The following SETD3 variants were observed in gnomAD, a reference collection of about 807,000 sequenced individuals.
SETD3 encodes the protein actin-histidine N-methyltransferase.
Under a neutral mutation model 63.0 loss-of-function variants are expected in SETD3, and 19 were observed. The observed-to-expected ratio is 0.30, with a 90% CI of 0.21 to 0.44. The LOEUF is 0.44. Ranked by LOEUF, SETD3 falls within the 20% of genes least tolerant of loss-of-function variation. The pLI is 1.00. For missense variants in SETD3, 587 were observed against 728.5 expected, an observed-to-expected ratio of 0.81 and a Z score of 2.24; for synonymous variants, 286 against 264.1, an observed-to-expected ratio of 1.08 and a Z score of -0.80.
chr14:99,451,912 G>A (rs1894483834), intron 6 of SETD3, among the ~76,000 whole-genome samples: 1 of 151,992 alleles, frequency 6.6e-6, no homozygotes, highest in Admixed American at 6.5e-5. Flanking sequence ...TATACAGTGA[G>A]TGTCAAACAT....
upstream of SETD3, among the ~76,000 whole-genome samples, chr14:99,482,808 G>T (rs1238403313): frequency 6.6e-6 from 1 of 152,162 alleles, no homozygotes; most frequent in Non-Finnish European, 1.5e-5. Context: ...CATAGCTGTG[G>T]CCTATAAAAT....
intron 6 of SETD3, among the ~76,000 whole-genome samples, chr14:99,414,823 T>C (rs1044644658): frequency 5.3e-5 from 8 of 152,218 alleles, no homozygotes; most frequent in African/African-American, 1.7e-4. Flanking sequence ...AAATGGTTAT[T>C]TCTGAGATAC....
intron 3 of SETD3, 68 bp from the exon 4 acceptor site, chr14:99,461,408 G>T: frequency 2.0e-6 from 3 of 1,513,028 alleles, no homozygotes; most frequent in South Asian, 1.2e-5. Flanking sequence ...ACGTCTCTCA[G>T]AAAATAAAAA....
At chr14:99,467,890 C>T (rs1156569120) in intron 1 of SETD3, among the ~76,000 whole-genome samples, 1 of 152,170 alleles carries the variant, frequency 6.6e-6, no homozygotes, top group African/African-American at 2.4e-5. Flanking sequence ...TCTCAGCTAT[C>T]CACCCAACTC....
chr14:99,437,089 T>C (rs1893525817), intron 6 of SETD3, among the ~76,000 whole-genome samples: 1 of 152,212 alleles, frequency 6.6e-6, no homozygotes. Flanking sequence ...ACTGAGGTCC[T>C]GAAACAGACA....
At chr14:99,459,772 T>A (rs1385806866) in intron 4 of SETD3, among the ~76,000 whole-genome samples, 1 of 152,194 alleles carries the variant, frequency 6.6e-6, no homozygotes, top group African/African-American at 2.4e-5. Flanking sequence ...TTTTGCTGTG[T>A]CCTGTGTATC....
chr14:99,461,102 C>A, intron 4 of SETD3, 90 bp downstream of exon 4: 1 of 1,461,258 alleles, frequency 6.8e-7, no homozygotes, highest in Non-Finnish European at 9.3e-7. Flanking sequence ...AACTCCCCCA[C>A]CACACGTCTA....
At chr14:99,438,808 A>G (rs1288947194) in intron 6 of SETD3, among the ~76,000 whole-genome samples, 2 of 152,194 alleles carry the variant, frequency 1.3e-5, no homozygotes, top group African/African-American at 4.8e-5. Flanking sequence ...TTCAGGACCT[A>G]GTCCTCTCCC....
Position 99,413,751 on chromosome 14 carries a change from T to A in SETD3, c.734+125A>T. 3.6e-6 allele frequency: 3 copies of A among 832,452 alleles called. No individual in the cohort carries two copies. In the South Asian group the frequency reaches 4.7e-5, roughly 13 times the overall value. 51.6% of individuals were successfully genotyped at this position (832,452 alleles called of 1,614,324 possible). A position where few individuals can be genotyped will look rare whatever the true frequency, so the allele number is the denominator to read the frequency against. On this transcript the variant is annotated intron_variant, in intron 7 of 12. Coordinates refer to ENST00000331768, the MANE Select transcript of SETD3 (RefSeq NM_032233.3). ...TCCTGATAACTTCTGAAAGATGAGC[T>A]CTGTTTGGATGCTTTAACGGTCACA...
chr14:99,473,727 T>C (rs1895823899), intron 1 of SETD3, among the ~76,000 whole-genome samples: 2 of 152,184 alleles, frequency 1.3e-5, no homozygotes, highest in African/African-American at 2.4e-5. Flanking sequence ...TCACTCTTAC[T>C]AAAATACTTT....
At position 99,426,238 on chromosome 14, in the gene SETD3, C is replaced by T. The variant is rs534980719; in HGVS notation, c.676-12304G>A. 5.9e-5 allele frequency among the ~76,000 whole-genome samples: 9 copies of T among 152,372 alleles called. No individual in the cohort carries two copies. The South Asian group carries it at 1.4e-3, about 25-fold the overall frequency. Reference sequence around the variant, plus strand: ...AACCCATGCAGTCTACAAAATACCACGTAGCACTCTGGTTTATGCCACGTG... The same window carrying T: ...AACCCATGCAGTCTACAAAATACCATGTAGCACTCTGGTTTATGCCACGTG... On this transcript the variant is annotated intron_variant, in intron 6 of 12. Transcript: ENST00000331768.
intron 1 of SETD3, among the ~76,000 whole-genome samples, chr14:99,470,325 T>C (rs1257753945): frequency 2.0e-5 from 3 of 152,056 alleles, no homozygotes; most frequent in Non-Finnish European, 4.4e-5. Context: ...TGCTAAAGAG[T>C]TGGCTTATAT....
intron 1 of SETD3, among the ~76,000 whole-genome samples, chr14:99,473,468 A>C (rs1220301362): frequency 6.6e-6 from 1 of 152,204 alleles, no homozygotes; most frequent in Non-Finnish European, 1.5e-5. Context: ...TGCTGCTTTC[A>C]ACTAAACAGA....
chr14:99,411,588 A>G (rs974809152), intron 8 of SETD3: 3 of 152,144 alleles, frequency 2.0e-5, no homozygotes, highest in Non-Finnish European at 2.9e-5. Context: ...ATTAAAAAGA[A>G]CTCTAATAAT....
chr14:99,454,431 T>C (rs183407165), intron 6 of SETD3, among the ~76,000 whole-genome samples: 2 of 152,280 alleles, frequency 1.3e-5, no homozygotes, highest in African/African-American at 4.8e-5. Flanking sequence ...GTTTAGCCCC[T>C]AGACTTGCAG....
At chr14:99,478,648 C>G (rs1264388964) in intron 1 of SETD3, 2 of 152,196 alleles carry the variant, frequency 1.3e-5, no homozygotes, top group Non-Finnish European at 2.9e-5. Flanking sequence ...CAACTCTACA[C>G]AGCACAAACT....
chr14:99,411,967 C>A (rs1035612840), intron 8 of SETD3: 1 of 152,202 alleles, frequency 6.6e-6, no homozygotes, highest in Non-Finnish European at 1.5e-5. Flanking sequence ...CAGTGTCTGG[C>A]GCACACTACG....
chr14:99,463,097 A>G (rs1895165123), intron 3 of SETD3, among the ~76,000 whole-genome samples: 1 of 152,244 alleles, frequency 6.6e-6, no homozygotes, highest in Non-Finnish European at 1.5e-5. Flanking sequence ...GTGTGAGTTC[A>G]TTATAAACCT....
chr14:99,403,430 TACACACACAC>T (rs762669151), intron 11 of SETD3, among the ~76,000 whole-genome samples: 4 of 133,156 alleles, frequency 3.0e-5, no homozygotes, highest in Non-Finnish European at 4.9e-5. Context: ...CAGCAAAACA[TACACACACAC>T]ACACACACAC....
Sources: allele counts gnomAD v4.1 joint callset (sites outside exome capture counted in the v4.1 genomes callset), GRCh38; gene constraint gnomAD v4.1.1; transcripts MANE v1.5; gene names NCBI Gene and HGNC (gene_info 2026-07-23, HGNC 2026-07-21).